The following CRYBG3 variants were observed in gnomAD, a reference collection of about 807,000 sequenced individuals.
CRYBG3 encodes crystallin beta-gamma domain containing 3.
CRYBG3 carries 127 observed loss-of-function variants against 244.2 expected under a neutral mutation model. The observed-to-expected ratio is 0.52, with a 90% CI of 0.45 to 0.60. The LOEUF (loss-of-function observed/expected upper bound fraction) is 0.60, where lower values mean the gene tolerates loss of function less well. CRYBG3 is among the 20% of genes least tolerant of loss of function. CRYBG3 has a pLI of 0.00. For synonymous variants in CRYBG3, 1,132 were observed against 1,195.8 expected, an observed-to-expected ratio of 0.95 and a Z score of 1.10; for missense variants, 3,325 against 3,442.5, an observed-to-expected ratio of 0.97 and a Z score of 0.85.
chr3:97,938,142 A>G (rs552696391), intron 19 of CRYBG3, among the ~76,000 whole-genome samples: 2 of 150,180 alleles, frequency 1.3e-5, no homozygotes, highest in African/African-American at 4.9e-5. Flanking sequence ...TTCCAACAAC[A>G]GTCCTTTGAG....
In CRYBG3 at chr3:97,877,175, A is replaced by G; in HGVS notation, c.5981A>G (p.Gln1994Arg). 6.2e-7 allele frequency: 1 copy of G among 1,614,040 alleles called. No homozygotes were observed. Among genetic ancestry groups the G allele is most frequent in the Non-Finnish European group, 8.5e-7 (1 of 1,179,934 alleles). The change falls in exon 4 of 22, where the codon CAA (glutamine) becomes CGA (arginine). Residue 1994 changes from glutamine to arginine, a missense_variant. This residue lies in a region of CRYBG3 where 450 missense variants were observed against 424.1 expected (regional missense o/e 1.06). Transcript: ENST00000389622. The stretch of plus-strand genomic sequence containing the variant: ...TTAGCTTTTGTTTCTCAAGATGAAC[A>G]AGAAAATTCTTCCTTTACTATATTA... ...YNLAFVSQDE[Q>R]ENSSFTILYE...
rs769514854 is a variant in CRYBG3 at position 97,943,281 on chromosome 3, A to G, written c.8880A>G (p.Glu2960=). Residue 2960 remains glutamate (E), a synonymous_variant, in exon 22 of 22, where the codon GAA becomes GAG. Coordinates refer to ENST00000389622, the MANE Select transcript of CRYBG3 (RefSeq NM_153605.4). ...HVIVNQPLEG[E]ETQKWDIEIL ...TTGTAAATCAGCCCCTGGAGGGAGA[A>G]GAAACACAGAAATGGGACATTGAAA... 36 of 1,589,114 alleles carry G rather than the reference A, an allele frequency of 2.3e-5. No individual in the cohort carries two copies. The East Asian group carries it at 6.0e-4, about 27-fold the overall frequency.
At chr3:97,866,308 C>T (rs777018538) in intron 3 of CRYBG3, among the ~76,000 whole-genome samples, 1 of 152,146 alleles carries the variant, frequency 6.6e-6, no homozygotes, top group African/African-American at 2.4e-5. Context: ...TTTCTGATAA[C>T]GTACAAAGGT....
chr3:97,890,443 G>T (rs541798760), intron 10 of CRYBG3, among the ~76,000 whole-genome samples: 21 of 152,288 alleles, frequency 1.4e-4, no homozygotes, highest in Admixed American at 1.3e-3. Context: ...GACATTTGCA[G>T]TTTGACAGGT....
chr3:97,847,303 CTT>C (rs1416099364), intron 2 of CRYBG3, among the ~76,000 whole-genome samples: 1 of 152,194 alleles, frequency 6.6e-6, no homozygotes, highest in Admixed American at 6.5e-5. Context: ...CAAAAATACT[CTT>C]TTGCTGTCAT....
At position 97,933,746 on chromosome 3, in the gene CRYBG3, G is replaced by GAGAGTT; in HGVS notation, c.8296_8301dup (p.Glu2766_Leu2767dup). ...TTTGCTCTGGAGCATTGTGAGGGAAGAGAGTTACATCTAGAAGAGGCTGTG... is the reference window on the plus strand; with the variant it reads ...TTTGCTCTGGAGCATTGTGAGGGAAGAGAGTTAGAGTTACATCTAGAAGAGGCTGTG... On this transcript the variant is annotated inframe_insertion, in exon 18 of 22. Transcript: ENST00000389622. 1 of 1,612,796 alleles carries GAGAGTT rather than the reference G, an allele frequency of 6.2e-7. No homozygotes were observed. Among genetic ancestry groups the GAGAGTT allele is most frequent in the Non-Finnish European group, 8.5e-7 (1 of 1,179,074 alleles).
At chr3:97,899,517 T>C (rs2039679835) in intron 14 of CRYBG3, among the ~76,000 whole-genome samples, 1 of 152,224 alleles carries the variant, frequency 6.6e-6, no homozygotes, top group Admixed American at 6.5e-5. Context: ...TGTTGGACAC[T>C]ATGCTAATCA....
rs528260943 is a variant in CRYBG3, at chr3:97,877,716, G to C, written c.6522G>C (p.Gln2174His). ...RAGSGERVTF[Q>H]LPDPSITFYP... is the part of the protein sequence containing the mutation. ...GAAGTGGGGAGCGTGTTACCTTCCA[G>C]TTGCCAGATCCTTCCATCACATTTT... Residue 2174 changes from glutamine to histidine, a missense_variant, in exon 4 of 22, where the codon CAG (glutamine) becomes CAC (histidine). This residue lies in a region of CRYBG3 where 450 missense variants were observed against 424.1 expected (regional missense o/e 1.06). Coordinates refer to ENST00000389622, the MANE Select transcript of CRYBG3 (RefSeq NM_153605.4). The C allele has an allele frequency of 6.2e-7, 1 of 1,614,108 alleles. No individual in the cohort carries two copies. The highest frequency in any genetic ancestry group is 1.1e-5 in the South Asian group (1 of 91,074).
intron 16 of CRYBG3, among the ~76,000 whole-genome samples, chr3:97,912,699 G>C (rs1477978882): frequency 6.6e-6 from 1 of 152,082 alleles, no homozygotes; most frequent in Non-Finnish European, 1.5e-5. Context: ...CAGGTTCAGA[G>C]TTAAGGTTTT....
chr3:97,834,178 A>G (rs573793560), intron 1 of CRYBG3, among the ~76,000 whole-genome samples: 16 of 152,292 alleles, frequency 1.1e-4, no homozygotes, highest in Admixed American at 7.8e-4. Context: ...GCATACTTAT[A>G]AAATCAGATA....
intron 12 of CRYBG3, among the ~76,000 whole-genome samples, chr3:97,896,426 T>C (rs1283761290): frequency 6.6e-6 from 1 of 152,170 alleles, no homozygotes; most frequent in Non-Finnish European, 1.5e-5. Flanking sequence ...ATGATTGTAT[T>C]AAGTACAAAG....
Position 97,899,205 on chromosome 3 carries a change from G to A in CRYBG3, c.7913G>A (p.Cys2638Tyr). Reference protein sequence around the residue: ...QYILEKGKYKCFFDWGGSNNI... With the variant: ...QYILEKGKYKYFFDWGGSNNI... Reference sequence around the variant, plus strand: ...ATTTTAGAAAAAGGGAAATACAAATGCTTTTTTGACTGGGGAGGATCAAAT... The same window carrying A: ...ATTTTAGAAAAAGGGAAATACAAATACTTTTTTGACTGGGGAGGATCAAAT... Residue 2638 changes from cysteine to tyrosine, a missense_variant, in exon 14 of 22, where the codon TGC (cysteine) becomes TAC (tyrosine). Physicochemically the swap from Cys to Tyr is radical, Grantham distance 194. Transcript: ENST00000389622. 2 of 1,613,710 alleles carry A rather than the reference G, an allele frequency of 1.2e-6. No homozygotes were observed. Among genetic ancestry groups the A allele is most frequent in the Admixed American group, 3.3e-5 (2 of 59,980 alleles).
chr3:97,832,961 A>G (rs2038675176), intron 1 of CRYBG3, among the ~76,000 whole-genome samples: 2 of 152,250 alleles, frequency 1.3e-5, no homozygotes, highest in African/African-American at 4.8e-5. Flanking sequence ...AGCATATGAA[A>G]AAAAGCTCAT....
chr3:97,944,725 C>G lies in CRYBG3; in HGVS notation c.*1411C>G, dbSNP rs908488157. 5 of 152,264 alleles carry G rather than the reference C, an allele frequency of 3.3e-5. No individual in the cohort carries two copies. The highest frequency in any genetic ancestry group is 1.2e-4 in the African/African-American group (5 of 41,372). 9.4% of individuals were successfully genotyped at this position (152,264 alleles called of 1,614,324 possible). ...TAATAAAATTTATGTTACAGGATAA[C>G]TTTATTTTAATGGGCATGGGCTTGT... On this transcript the variant is annotated 3_prime_UTR_variant, in exon 22 of 22. Coordinates refer to ENST00000389622, the MANE Select transcript of CRYBG3 (RefSeq NM_153605.4).
At chr3:97,895,255 G>C (rs1326535259) in intron 11 of CRYBG3, among the ~76,000 whole-genome samples, 1 of 152,174 alleles carries the variant, frequency 6.6e-6, no homozygotes, top group African/African-American at 2.4e-5. Flanking sequence ...CTGTGGATTA[G>C]TTTATAAAAA....
Position 97,877,941 on chromosome 3 carries a change from A to G in CRYBG3, c.6747A>G (p.Ser2249=). The G allele has an allele frequency of 1.2e-6, 2 of 1,614,122 alleles. No individual in the cohort carries two copies. The highest frequency in any genetic ancestry group is 1.7e-6 in the Non-Finnish European group (2 of 1,179,974). Reference sequence around the variant, plus strand: ...TGCAGACTTCCCAAAGTCATTCCTCAGAAAAAGGAGCCAGATTTGGTGGAA... The same window carrying G: ...TGCAGACTTCCCAAAGTCATTCCTCGGAAAAAGGAGCCAGATTTGGTGGAA... ...QYLQTSQSHS[S]EKGARFGGIF... Residue 2249 remains serine (S), a synonymous_variant, in exon 4 of 22, where the codon TCA becomes TCG. Coordinates refer to ENST00000389622, the MANE Select transcript of CRYBG3 (RefSeq NM_153605.4).
chr3:97,906,186 C>G (rs1193131085), intron 15 of CRYBG3, among the ~76,000 whole-genome samples: 1 of 147,768 alleles, frequency 6.8e-6, no homozygotes, highest in African/African-American at 2.5e-5. Context: ...TGTGATGCCT[C>G]CAGCTTTGTT....
chr3:97,877,439 C>G lies in CRYBG3; in HGVS notation c.6245C>G (p.Pro2082Arg), dbSNP rs369075887. 3 of 1,613,982 alleles carry G rather than the reference C, an allele frequency of 1.9e-6. No individual in the cohort carries two copies. In the African/African-American group the frequency reaches 4.0e-5, roughly 22 times the overall value. ...GAGGCCAAAAGGTACAAAATTTATCCTTTAGCATTGTCTCCCATTTATGAG... is the reference window on the plus strand; with the variant it reads ...GAGGCCAAAAGGTACAAAATTTATCGTTTAGCATTGTCTCCCATTTATGAG... ...SVEAKRYKIY[P>R]LALSPIYEDD... is the part of the protein sequence containing the mutation. The change falls in exon 4 of 22, where the codon CCT (proline) becomes CGT (arginine). Residue 2082 changes from proline (P) to arginine (R), a missense_variant. This residue lies in a region of CRYBG3 where 450 missense variants were observed against 424.1 expected (regional missense o/e 1.06). Coordinates refer to ENST00000389622, the MANE Select transcript of CRYBG3 (RefSeq NM_153605.4).
chr3:97,927,487 A>G (rs1414749957), intron 17 of CRYBG3, among the ~76,000 whole-genome samples: 1 of 152,064 alleles, frequency 6.6e-6, no homozygotes, highest in African/African-American at 2.4e-5. Context: ...TCTAGGAAAT[A>G]CCATTCTGGA....
Sources: allele counts gnomAD v4.1 joint callset (sites outside exome capture counted in the v4.1 genomes callset), GRCh38; gene constraint gnomAD v4.1.1; regional missense constraint gnomAD v4.1.1; transcripts MANE v1.5; gene names NCBI Gene and HGNC (gene_info 2026-07-23, HGNC 2026-07-21).